The following ZPLD1 variants were observed in gnomAD, a reference collection of about 807,000 sequenced individuals.
The protein encoded by ZPLD1 is zona pellucida like domain containing 1.
A neutral mutation model predicts 47.2 loss-of-function variants in ZPLD1; 34 were observed. The ratio of observed to expected loss-of-function variants is 0.72; its 90% CI spans 0.55 to 0.96. The LOEUF is 0.96. ZPLD1 is among the 40% of genes least tolerant of loss of function. The probability of loss-of-function intolerance (pLI) is 0.00; values close to 1 mark genes in which losing one functional copy is unlikely to be tolerated. For synonymous variants in ZPLD1, 176 were observed against 186.2 expected (o/e 0.95, Z 0.45); for missense variants, 512 against 505.8 (o/e 1.01, Z -0.12).
chr3:102,392,991 A>G (rs1053181240), intron 7 of ZPLD1, among the ~76,000 whole-genome samples: 25 of 152,224 alleles, frequency 1.6e-4, no homozygotes, highest in Admixed American at 3.3e-4. Context: ...GTTTACATGC[A>G]TACTATCTTC....
At chr3:102,433,809 G>A (rs111750530), upstream of ZPLD1, among the ~76,000 whole-genome samples, 4,395 of 152,242 alleles carry the variant, frequency 0.029, 88 homozygotes, top group South Asian at 0.046. Context: ...GATTATAGGC[G>A]TGAGCCACCG....
In ZPLD1 at chr3:102,470,424, GGGA is replaced by G; in HGVS notation, c.971_973del (p.Arg324del). 1 of 1,614,090 alleles carries G rather than the reference GGGA, an allele frequency of 6.2e-7. No homozygotes were observed. The highest frequency in any genetic ancestry group is 8.5e-7 in the Non-Finnish European group (1 of 1,179,992). ...CAGCCACAGAGAAAGGAGAGATGCTGGGAGGAGGACGACTTGGAGCCCCCAGAG... is the reference window on the plus strand; with the variant it reads ...CAGCCACAGAGAAAGGAGAGATGCTGGGAGGACGACTTGGAGCCCCCAGAG... On this transcript the variant is annotated inframe_deletion, in exon 10 of 12. Transcript: ENST00000466937.
chr3:102,456,754 C>T (rs1344177212), intron 5 of ZPLD1, among the ~76,000 whole-genome samples: 1 of 152,144 alleles, frequency 6.6e-6, no homozygotes, highest in African/African-American at 2.4e-5. Context: ...CCAGTGTGTA[C>T]GACATTTGGT....
intron 11 of ZPLD1, 32 bp downstream of exon 11, chr3:102,477,073 T>C (rs1162501347): frequency 1.9e-6 from 3 of 1,612,290 alleles, no homozygotes; most frequent in East Asian, 2.2e-5. Context: ...GCAATGTTTT[T>C]TACATTTTTG....
chr3:102,426,146 ACACACACACACATGCACACACACACACG>A (rs1706944621), intron 8 of ZPLD1, among the ~76,000 whole-genome samples: 1 of 151,696 alleles, frequency 6.6e-6, no homozygotes, highest in African/African-American at 2.4e-5. Context: ...ACACACACAC[ACACACACACACATGCACACACACACACG>A]AACATTTTTT....
intron 5 of ZPLD1, among the ~76,000 whole-genome samples, chr3:102,457,542 CA>C: frequency 6.6e-6 from 1 of 152,102 alleles, no homozygotes; most frequent in South Asian, 2.1e-4. Context: ...TAATGCAAAA[CA>C]AACAAAAAAG....
intron 3 of ZPLD1, among the ~76,000 whole-genome samples, chr3:102,443,023 A>G (rs959000642): frequency 1.3e-5 from 2 of 152,186 alleles, no homozygotes; most frequent in Non-Finnish European, 2.9e-5. Flanking sequence ...AGATGAATGT[A>G]CTTGGCCTTT....
intron 10 of ZPLD1, 56 bp downstream of exon 10, chr3:102,470,558 A>G (rs755627150): frequency 1.5e-4 from 213 of 1,437,742 alleles, no homozygotes; most frequent in Admixed American, 2.9e-4. Flanking sequence ...ATGCCTCGTT[A>G]CTTGGCTTCT....
At chr3:102,435,176 T>C in intron 1 of ZPLD1, 22 bp downstream of exon 1, 1 of 1,613,880 alleles carries the variant, frequency 6.2e-7, no homozygotes. Context: ...GATGGGAAAT[T>C]TGCAAGATAA....
intron 7 of ZPLD1, among the ~76,000 whole-genome samples, chr3:102,410,388 A>G (rs1235434002): frequency 6.6e-6 from 1 of 151,782 alleles, no homozygotes; most frequent in Non-Finnish European, 1.5e-5. Context: ...TATTATTAGA[A>G]TTACTATAAT....
At chr3:102,427,006 A>G (rs903586551) in intron 8 of ZPLD1, among the ~76,000 whole-genome samples, 3 of 152,234 alleles carry the variant, frequency 2.0e-5, no homozygotes, top group Non-Finnish European at 4.4e-5. Flanking sequence ...GTTTGCTTCA[A>G]CACCTTCCTG....
chr3:102,438,515 C>T lies in ZPLD1; in HGVS notation c.28C>T (p.Leu10=), dbSNP rs1451573262. 1 of 1,613,834 alleles carries T rather than the reference C, an allele frequency of 6.2e-7. No individual in the cohort carries two copies. The highest frequency in any genetic ancestry group is 1.3e-5 in the African/African-American group (1 of 74,904). Residue 10 remains leucine, a synonymous_variant, in exon 3 of 12, where the codon CTA becomes TTA. Transcript: ENST00000466937. The part of the protein sequence containing the change: MEQIWLLLL[L]TIRVLPGSAQ... ...GGAACAAATATGGTTGCTGCTGCTT[C>T]TAACAATTAGAGTGCTTCCGGGGTC... is the stretch of plus-strand genomic sequence containing the variant.
At chr3:102,458,385 G>C (rs1165916342) in intron 6 of ZPLD1, among the ~76,000 whole-genome samples, 1 of 152,084 alleles carries the variant, frequency 6.6e-6, no homozygotes. Flanking sequence ...ATCGACATTG[G>C]CAGCAAAACG....
At chr3:102,420,566 T>C (rs1439810200) in intron 8 of ZPLD1, among the ~76,000 whole-genome samples, 1 of 151,984 alleles carries the variant, frequency 6.6e-6, no homozygotes, top group Non-Finnish European at 1.5e-5. Flanking sequence ...TTGAATTTCC[T>C]ATAATTTTCA....
intron 8 of ZPLD1, among the ~76,000 whole-genome samples, chr3:102,424,079 C>G (rs1033880732): frequency 1.3e-5 from 2 of 152,082 alleles, no homozygotes; most frequent in Non-Finnish European, 1.5e-5. Flanking sequence ...TTAATTACTG[C>G]TCTATGTAAG....
At chr3:102,458,190 A>AAT (rs960653958) in intron 6 of ZPLD1, among the ~76,000 whole-genome samples, 5 of 152,116 alleles carry the variant, frequency 3.3e-5, no homozygotes, top group Non-Finnish European at 7.4e-5. Flanking sequence ...AGATTTAGGA[A>AAT]ATATATATTT....
intron 6 of ZPLD1, among the ~76,000 whole-genome samples, chr3:102,459,068 A>C (rs184530653): frequency 0.01 from 1,347 of 131,566 alleles, 13 homozygotes; most frequent in African/African-American, 0.029. Context: ...CCAGCCTGGG[A>C]GACAGAGCGA....
At chr3:102,441,661 T>G (rs9290704) in intron 3 of ZPLD1, among the ~76,000 whole-genome samples, 72,404 of 151,858 alleles carry the variant, frequency 0.48, 19,632 homozygotes, top group African/African-American at 0.73. Context: ...AGAATGTGAT[T>G]CACATCACAG....
At chr3:102,457,654 C>A in intron 5 of ZPLD1, 127 bp from the exon 6 acceptor site, 2 of 779,050 alleles carry the variant, frequency 2.6e-6, no homozygotes, top group Non-Finnish European at 2.1e-6. Flanking sequence ...AACAGTATAG[C>A]AACTCCAGGT....
Sources: allele counts gnomAD v4.1 joint callset (sites outside exome capture counted in the v4.1 genomes callset), GRCh38; gene constraint gnomAD v4.1.1; transcripts MANE v1.5; gene names NCBI Gene and HGNC (gene_info 2026-07-23, HGNC 2026-07-21).